The following MSH3 variants were observed in gnomAD, a reference collection of about 807,000 sequenced individuals.
MSH3 encodes the protein mutS homolog 3, also known as DNA mismatch repair protein Msh3.
A neutral mutation model predicts 123.3 loss-of-function variants in MSH3; 106 were observed. The ratio of observed to expected loss-of-function variants is 0.86; its 90% confidence interval spans 0.73 to 1.01. The LOEUF is 1.01. Among genes scored for constraint, MSH3 ranks in the 50% least tolerant of loss-of-function variants. The pLI is 0.00. For missense variants in MSH3, 1,459 were observed against 1,347.6 expected, an observed-to-expected ratio of 1.08 and a Z score of -1.29; for synonymous variants, 515 against 481.4, an observed-to-expected ratio of 1.07 and a Z score of -0.91.
chr5:80,768,950 C>T lies in MSH3; in HGVS notation c.2200C>T (p.Arg734Ter), dbSNP rs770330684. ...GATCCGAATGCATTTGCAAGAAATA[C>T]GAAAAATACTAAAAAATCCTTCTGC... ...DEIRMHLQEI[R>*]KILKNPSAQY... The change falls in exon 15 of 24, where the codon CGA becomes TGA. Residue 734 changes from arginine to a stop codon, truncating the protein, a stop_gained. Transcript: ENST00000265081. LOFTEE classifies it high-confidence loss of function. The T allele has an allele frequency of 3.1e-6, 5 of 1,612,718 alleles. No homozygotes were observed. Among genetic ancestry groups the T allele is most frequent in the African/African-American group, 2.7e-5 (2 of 74,874 alleles).
rs1445966245 is a variant in MSH3, at chr5:80,656,417, G to A, written c.244G>A (p.Glu82Lys). ...PPQLPPHIATEIDRRKKRPLE... is the reference protein window; with the variant it reads ...PPQLPPHIATKIDRRKKRPLE... The stretch of plus-strand genomic sequence containing the variant: ...TCTAACCTTCCCGATATAGGCTACA[G>A]AAATTGACAGAAGAAAGAAGAGACC... The change falls in exon 2 of 24, where the codon GAA (glutamate) becomes AAA (lysine). Residue 82 changes from glutamate to lysine, a missense_variant. Transcript: ENST00000265081. The A allele has an allele frequency of 2.5e-6, 4 of 1,614,112 alleles. No individual in the cohort carries two copies. Among genetic ancestry groups the A allele is most frequent in the Non-Finnish European group, 3.4e-6 (4 of 1,180,002 alleles).
chr5:80,799,719 T>G (rs1408786795), intron 19 of MSH3, among the ~76,000 whole-genome samples: 1 of 152,084 alleles, frequency 6.6e-6, no homozygotes, highest in Non-Finnish European at 1.5e-5. Context: ...TCCCTGTCAT[T>G]GAGCAAGCGT....
At chr5:80,727,313 G>A in intron 9 of MSH3, among the ~76,000 whole-genome samples, 1 of 152,180 alleles carries the variant, frequency 6.6e-6, no homozygotes, top group East Asian at 1.9e-4. Flanking sequence ...ACGGAAAGGT[G>A]TTGTTAGCAC....
chr5:80,775,975 C>T (rs946928190), intron 16 of MSH3, among the ~76,000 whole-genome samples: 3 of 151,878 alleles, frequency 2.0e-5, no homozygotes, highest in East Asian at 1.9e-4. Context: ...CTGCAACCTC[C>T]GCCTCCCTGA....
intron 8 of MSH3, among the ~76,000 whole-genome samples, chr5:80,717,048 G>C (rs931668571): frequency 6.6e-6 from 1 of 152,086 alleles, no homozygotes; most frequent in East Asian, 1.9e-4. Context: ...TCATTTTTTG[G>C]GGGGGGCTGA....
At chr5:80,822,255 C>T (rs1468752906) in intron 20 of MSH3, among the ~76,000 whole-genome samples, 1 of 152,190 alleles carries the variant, frequency 6.6e-6, no homozygotes, top group Admixed American at 6.5e-5. Flanking sequence ...TACTTGAGCA[C>T]AAATCTTGCT....
intron 8 of MSH3, among the ~76,000 whole-genome samples, chr5:80,693,966 C>T (rs745803780): frequency 6.6e-5 from 10 of 151,958 alleles, no homozygotes; most frequent in Non-Finnish European, 1.5e-4. Context: ...GGCCAAAACT[C>T]GAAACTTATA....
chr5:80,814,275 T>C (rs1485837828), intron 20 of MSH3, among the ~76,000 whole-genome samples: 1 of 152,052 alleles, frequency 6.6e-6, no homozygotes, highest in East Asian at 1.9e-4. Flanking sequence ...TTTTATTTAT[T>C]ATTATTATTA....
intron 22 of MSH3, among the ~76,000 whole-genome samples, chr5:80,866,677 A>G (rs1243916189): frequency 2.0e-5 from 3 of 151,926 alleles, no homozygotes; most frequent in South Asian, 4.2e-4. Flanking sequence ...AGAATCTTCA[A>G]TTTTCCCTTC....
At chr5:80,713,137 T>G (rs1750890455) in intron 8 of MSH3, among the ~76,000 whole-genome samples, 1 of 152,190 alleles carries the variant, frequency 6.6e-6, no homozygotes, top group Non-Finnish European at 1.5e-5. Context: ...GATCATGCAA[T>G]TGGTAAGCTG....
intron 15 of MSH3, among the ~76,000 whole-genome samples, chr5:80,770,342 C>T (rs1744195306): frequency 6.6e-6 from 1 of 151,446 alleles, no homozygotes; most frequent in African/African-American, 2.4e-5. Flanking sequence ...GCTATACGAC[C>T]ATGGAAGAGT....
chr5:80,681,626 TTAAC>T (rs1749970619), intron 8 of MSH3, among the ~76,000 whole-genome samples: 1 of 150,988 alleles, frequency 6.6e-6, no homozygotes, highest in African/African-American at 2.4e-5. Context: ...TTATATTTTA[TTAAC>T]TTAGTATATA....
At chr5:80,722,638 G>T (rs956483448) in intron 8 of MSH3, among the ~76,000 whole-genome samples, 7 of 152,180 alleles carry the variant, frequency 4.6e-5, no homozygotes, top group Admixed American at 3.3e-4. Flanking sequence ...GTATGTGTAC[G>T]TATCTAAGAG....
chr5:80,680,815 A>G (rs1257716567), intron 8 of MSH3, among the ~76,000 whole-genome samples: 1 of 152,078 alleles, frequency 6.6e-6, no homozygotes, highest in African/African-American at 2.4e-5. Flanking sequence ...TTCAGTAGGT[A>G]CCCTTAAAAA....
chr5:80,769,036 T>G, intron 15 of MSH3, 33 bp downstream of exon 15: 1 of 1,562,184 alleles, frequency 6.4e-7, no homozygotes, highest in Non-Finnish European at 8.8e-7. Flanking sequence ...TTTCTATTAG[T>G]TTTACTCTAG....
chr5:80,696,047 G>A (rs1013238019), intron 8 of MSH3, among the ~76,000 whole-genome samples: 3 of 152,136 alleles, frequency 2.0e-5, no homozygotes, highest in Non-Finnish European at 2.9e-5. Flanking sequence ...GTTGAAACCC[G>A]AGGGAGATGG....
At chr5:80,719,547 G>A (rs1751037700) in intron 8 of MSH3, among the ~76,000 whole-genome samples, 1 of 152,086 alleles carries the variant, frequency 6.6e-6, no homozygotes, top group Non-Finnish European at 1.5e-5. Context: ...TAAGTACTCT[G>A]ATTTTATCAT....
chr5:80,655,328 A>T (rs993816113), intron 1 of MSH3: 7 of 242,624 alleles, frequency 2.9e-5, no homozygotes, highest in South Asian at 1.6e-4. Flanking sequence ...CTGATTTTTT[A>T]AAAAAGTGCT....
intron 20 of MSH3, among the ~76,000 whole-genome samples, chr5:80,840,152 C>T (rs985724163): frequency 1.3e-5 from 2 of 152,122 alleles, no homozygotes; most frequent in African/African-American, 4.8e-5. Context: ...TGTATTATCT[C>T]TTGTGCTTTT....
Sources: gnomAD v4.1 joint callset for allele counts (sites outside exome capture counted in the v4.1 genomes callset) on GRCh38, gnomAD v4.1.1 for gene constraint, MANE v1.5 for transcripts, NCBI Gene and HGNC (gene_info 2026-07-23, HGNC 2026-07-21) for gene names.